Variants in ZCCHC8 observed in about 807,000 individuals in gnomAD.
The protein encoded by ZCCHC8 is zinc finger CCHC-type containing 8.
Under a neutral mutation model 70.6 loss-of-function variants are expected in ZCCHC8, and 27 were observed. The ratio of observed to expected loss-of-function variants is 0.38; its 90% CI spans 0.28 to 0.53. The LOEUF (loss-of-function observed/expected upper bound fraction) is 0.53, where lower values mean the gene tolerates loss of function less well. Among genes scored for constraint, ZCCHC8 ranks in the 20% least tolerant of loss-of-function variants. The pLI is 0.81. For missense variants in ZCCHC8, 737 were observed against 876.9 expected (o/e 0.84, Z 2.01); for synonymous variants, 293 against 317.4 (o/e 0.92, Z 0.82).
Position 122,500,858 on chromosome 12 carries a change from A to T in ZCCHC8, c.-18T>A, listed in dbSNP as rs1169521451. 1 of 1,556,808 alleles carries T rather than the reference A, an allele frequency of 6.4e-7. No homozygotes were observed. The highest frequency in any genetic ancestry group is 8.7e-7 in the Non-Finnish European group (1 of 1,150,360). On this transcript the variant is annotated 5_prime_UTR_variant, in exon 1 of 14. Coordinates refer to ENST00000633063, the MANE Select transcript of ZCCHC8 (RefSeq NM_017612.5). This position sits in a 1 kb window ranked among gnomAD's most constrained non-coding sequence, Gnocchi z 4.8. The stretch of plus-strand genomic sequence containing the variant: ...GCGGCCATTTTGGGCTGTGGAAAAG[A>T]TTCGAGAAGAGGCGGAGCCGGCCAC...
rs565690149 is a variant in ZCCHC8, at chr12:122,500,912, G to C, written c.-72C>G. Reference sequence around the variant, plus strand: ...GGCTTGGGGAAGAAGGTTGGAAGGCGGCACCACTCTCTAGAGCTCTGGCCG... The same window carrying C: ...GGCTTGGGGAAGAAGGTTGGAAGGCCGCACCACTCTCTAGAGCTCTGGCCG... On this transcript the variant is annotated 5_prime_UTR_variant, in exon 1 of 14. Transcript: ENST00000633063. The surrounding 1 kb of genome is among the most constrained non-coding windows in gnomAD (Gnocchi z 4.8). 8 of 1,487,550 alleles carry C rather than the reference G, an allele frequency of 5.4e-6. No individual in the cohort carries two copies. The highest frequency in any genetic ancestry group is 4.2e-5 in the African/African-American group (3 of 71,704). The allele number at this position is 1,487,550 out of a possible 1,614,324, so 92.1% of individuals were successfully genotyped here.
intron 13 of ZCCHC8, among the ~76,000 whole-genome samples, chr12:122,476,159 T>C (rs1957413027): frequency 6.6e-6 from 1 of 152,234 alleles, no homozygotes; most frequent in Non-Finnish European, 1.5e-5. Flanking sequence ...AAAATGATGT[T>C]TACACATCTG....
In ZCCHC8 at chr12:122,494,479, A is replaced by G. The variant is rs186177371; in HGVS notation, c.243-1690T>C. 1.6e-3 allele frequency among the ~76,000 whole-genome samples: 240 copies of G among 151,718 alleles called. 2 individuals are homozygous for G. In the South Asian group the frequency reaches 0.029, roughly 18 times the overall value. On this transcript the variant is annotated intron_variant, in intron 2 of 13. Transcript: ENST00000633063. Reference sequence around the variant, plus strand: ...GGGAGGCTGAGGTGGAGAATTGCTTAAACCCAGGAGGTGGAGGTTGCAGTG... The same window carrying G: ...GGGAGGCTGAGGTGGAGAATTGCTTGAACCCAGGAGGTGGAGGTTGCAGTG...
intron 13 of ZCCHC8, among the ~76,000 whole-genome samples, chr12:122,475,355 T>C (rs10846968): frequency 0.61 from 92,937 of 151,956 alleles, 29,286 homozygotes; most frequent in African/African-American, 0.75. Context: ...CCCAATTGTT[T>C]TCTCTAATCT....
chr12:122,489,804 C>T (rs1957712603), intron 4 of ZCCHC8, among the ~76,000 whole-genome samples: 1 of 152,050 alleles, frequency 6.6e-6, no homozygotes, highest in Non-Finnish European at 1.5e-5. Flanking sequence ...AAATAATATT[C>T]AGTATGAATT....
At chr12:122,490,618 T>C (rs1320631179) in intron 3 of ZCCHC8, 51 bp from the exon 4 acceptor site, 12 of 1,147,740 alleles carry the variant, frequency 1.0e-5, no homozygotes, top group South Asian at 3.0e-5. Flanking sequence ...AAACATTCAA[T>C]AGACTGAAGT....
Position 122,477,873 on chromosome 12 carries a change from G to A in ZCCHC8, c.1313C>T (p.Ala438Val), listed in dbSNP as rs776584825. 23 of 1,612,754 alleles carry A rather than the reference G, an allele frequency of 1.4e-5. No homozygotes were observed. The highest frequency in any genetic ancestry group is 4.5e-5 in the East Asian group (2 of 44,818). ...GAGCTCCATGTCGGCGGGAGATCCCGCTGAGTTGCTTTCATTCTTCTGCTT... is the reference window on the plus strand; with the variant it reads ...GAGCTCCATGTCGGCGGGAGATCCCACTGAGTTGCTTTCATTCTTCTGCTT... The part of the protein sequence containing the change: ...PKKQKNESNS[A>V]GSPADMELDS... The change falls in exon 13 of 14, where the codon GCG (alanine) becomes GTG (valine). Residue 438 changes from alanine to valine, a missense_variant. Transcript: ENST00000633063.
rs1365370617 is a variant in ZCCHC8 at position 122,472,391 on chromosome 12, G to A, written c.*1106C>T. 1 of 151,966 alleles carries A rather than the reference G, an allele frequency of 6.6e-6. No homozygotes were observed. Among genetic ancestry groups the A allele is most frequent in the Non-Finnish European group, 1.5e-5 (1 of 68,070 alleles). 9.4% of individuals were successfully genotyped at this position (151,966 alleles called of 1,614,324 possible). On this transcript the variant is annotated 3_prime_UTR_variant, in exon 14 of 14. Coordinates refer to ENST00000633063, the MANE Select transcript of ZCCHC8 (RefSeq NM_017612.5). Reference sequence around the variant, plus strand: ...CCTGGCTAATTTTTGTATTTATGTAGAGATGGGGTTTTGCCATGTTGGCCA... The same window carrying A: ...CCTGGCTAATTTTTGTATTTATGTAAAGATGGGGTTTTGCCATGTTGGCCA...
At chr12:122,478,956 C>T (rs1252782156) in intron 11 of ZCCHC8, among the ~76,000 whole-genome samples, 3 of 152,172 alleles carry the variant, frequency 2.0e-5, no homozygotes, top group Non-Finnish European at 4.4e-5. Flanking sequence ...CACTTCCGCC[C>T]GTAATGAATT....
chr12:122,488,856 G>A (rs1307119850), intron 5 of ZCCHC8, among the ~76,000 whole-genome samples: 1 of 146,944 alleles, frequency 6.8e-6, no homozygotes, highest in African/African-American at 2.6e-5. Context: ...GGACGACAGG[G>A]CAAGACTCCG....
rs1334905854 is a variant in ZCCHC8, at chr12:122,500,902, G to T, written c.-62C>A. 1.3e-6 allele frequency: 2 copies of T among 1,516,710 alleles called. No homozygotes were observed. Among genetic ancestry groups the T allele is most frequent in the Non-Finnish European group, 1.8e-6 (2 of 1,122,036 alleles). The allele number at this position is 1,516,710 out of a possible 1,614,324, so 94.0% of individuals were successfully genotyped here. On this transcript the variant is annotated 5_prime_UTR_variant, in exon 1 of 14. Transcript: ENST00000633063. This position sits in a 1 kb window ranked among gnomAD's most constrained non-coding sequence, Gnocchi z 4.8. Reference sequence around the variant, plus strand: ...CGGCCACCAGGGCTTGGGGAAGAAGGTTGGAAGGCGGCACCACTCTCTAGA... The same window carrying T: ...CGGCCACCAGGGCTTGGGGAAGAAGTTTGGAAGGCGGCACCACTCTCTAGA...
At chr12:122,482,727 T>C in intron 7 of ZCCHC8, 32 bp from the exon 8 acceptor site, 1 of 1,564,790 alleles carries the variant, frequency 6.4e-7, no homozygotes, top group Non-Finnish European at 8.7e-7. Context: ...ATTTTTATAA[T>C]GTCAATAAAA....
chr12:122,494,672 G>A (rs930493814), intron 2 of ZCCHC8, among the ~76,000 whole-genome samples: 1 of 152,106 alleles, frequency 6.6e-6, no homozygotes, highest in East Asian at 1.9e-4. Context: ...TGGCTAACAC[G>A]GTGAAACCCC....
chr12:122,497,629 C>T (rs1957846558), intron 2 of ZCCHC8, among the ~76,000 whole-genome samples: 1 of 152,124 alleles, frequency 6.6e-6, no homozygotes, highest in Admixed American at 6.6e-5. Context: ...TATAATTTCT[C>T]ATAATCTGTA....
intron 12 of ZCCHC8, 100 bp from the exon 13 acceptor site, chr12:122,478,058 A>C (rs2137326849): frequency 1.7e-6 from 2 of 1,206,450 alleles, no homozygotes; most frequent in Middle Eastern, 1.9e-4. Flanking sequence ...ATCTGGAGTT[A>C]AGTCTAGGTA....
In ZCCHC8 at chr12:122,483,464, G is replaced by A; in HGVS notation, c.601C>T (p.Pro201Ser). The change falls in exon 6 of 14, where the codon CCC becomes TCC. Residue 201 changes from proline (P) to serine (S), a missense_variant. Physicochemically the swap from Pro to Ser is moderately conservative, Grantham distance 74. Coordinates refer to ENST00000633063, the MANE Select transcript of ZCCHC8 (RefSeq NM_017612.5). The surrounding 1 kb of genome is among the most constrained non-coding windows in gnomAD (Gnocchi z 4.4). ...TTCATTCACTATGTAGGATACTTGG[G>A]TATTTCCCATCCTTCGGAAAGCTGA... ...NPQLSEGWEI[P>S]KYHQVFSHIV... 6.3e-7 allele frequency: 1 copy of A among 1,590,168 alleles called. No individual in the cohort carries two copies. Among genetic ancestry groups the A allele is most frequent in the East Asian group, 2.3e-5 (1 of 44,344 alleles).
chr12:122,485,425 T>G (rs1047151968), intron 5 of ZCCHC8, among the ~76,000 whole-genome samples: 4 of 152,224 alleles, frequency 2.6e-5, no homozygotes, highest in African/African-American at 7.2e-5. Context: ...AAGTTATCAC[T>G]TTTTAATTAT....
chr12:122,492,681 T>G, intron 3 of ZCCHC8, 34 bp downstream of exon 3: 1 of 1,320,726 alleles, frequency 7.6e-7, no homozygotes, highest in Non-Finnish European at 1.1e-6. Context: ...CATAAACACA[T>G]TATTATATTT....
Position 122,490,654 on chromosome 12 carries a change from G to T in ZCCHC8, c.318-87C>A, listed in dbSNP as rs997845463. Reference sequence around the variant, plus strand: ...CTTATGCATTACTGTAAGATTTCAAGTGTGAATGTTGTTGTTTTTCAGAAG... The same window carrying T: ...CTTATGCATTACTGTAAGATTTCAATTGTGAATGTTGTTGTTTTTCAGAAG... On this transcript the variant is annotated intron_variant, in intron 3 of 13. Transcript: ENST00000633063. 10 of 724,814 alleles carry T rather than the reference G, an allele frequency of 1.4e-5. No individual in the cohort carries two copies. In the African/African-American group the frequency reaches 1.6e-4, roughly 12 times the overall value. 44.9% of individuals were successfully genotyped at this position (724,814 alleles called of 1,614,324 possible). A position where few individuals can be genotyped will look rare whatever the true frequency, so the allele number is the denominator to read the frequency against.
Sources: gnomAD v4.1 joint callset for allele counts (sites outside exome capture counted in the v4.1 genomes callset) on GRCh38, gnomAD v4.1.1 for gene constraint, Gnocchi (gnomAD v3.1) non-coding constraint, MANE v1.5 for transcripts, NCBI Gene and HGNC (gene_info 2026-07-23, HGNC 2026-07-21) for gene names.